Variants in WDPCP observed in about 807,000 individuals in gnomAD.
The protein encoded by WDPCP is WD repeat-containing and planar cell polarity effector protein fritz homolog.
A neutral mutation model predicts 93.1 loss-of-function variants in WDPCP; 71 were observed. That is an observed-to-expected ratio of 0.76 (90% CI 0.63 to 0.93). WDPCP has a LOEUF of 0.93. Ranked by LOEUF, WDPCP falls within the 40% of genes least tolerant of loss-of-function variation. The pLI is 0.00. For missense variants in WDPCP, 844 were observed against 887.4 expected (o/e 0.95, Z 0.62); for synonymous variants, 315 against 315.0 (o/e 1.00, Z 0.00).
intron 2 of WDPCP, among the ~76,000 whole-genome samples, chr2:63,804,130 C>T (rs912239636): frequency 3.3e-5 from 5 of 151,944 alleles, no homozygotes; most frequent in Admixed American, 2.0e-4. Context: ...TTATTCCCTT[C>T]GTATCTAGAG....
the WDPCP span, among the ~76,000 whole-genome samples, chr2:63,839,247 T>G: frequency 6.6e-6 from 1 of 152,242 alleles, no homozygotes; most frequent in Non-Finnish European, 1.5e-5. Flanking sequence ...GATCATCGTT[T>G]CTTATAATAA....
intron 9 of WDPCP, among the ~76,000 whole-genome samples, chr2:63,410,635 C>G (rs773613222): frequency 1.3e-5 from 2 of 152,112 alleles, no homozygotes; most frequent in Non-Finnish European, 2.9e-5. Context: ...CTACCTGATG[C>G]CTTCAGGAGA....
chr2:63,378,335 C>T (rs770097633), intron 12 of WDPCP, 51 bp downstream of exon 12: 5 of 1,610,342 alleles, frequency 3.1e-6, no homozygotes, highest in Non-Finnish European at 4.2e-6. Context: ...GAGGATGTCT[C>T]CTGAAATAAG....
intron 2 of WDPCP, among the ~76,000 whole-genome samples, chr2:63,651,080 T>TTGGAGA (rs1710103912): frequency 6.6e-6 from 1 of 152,188 alleles, no homozygotes; most frequent in East Asian, 1.9e-4. Context: ...GACAACACCC[T>TTGGAGA]TGGAGATGAT....
At chr2:63,238,014 C>A (rs1829527) in intron 14 of WDPCP, among the ~76,000 whole-genome samples, 132,201 of 150,326 alleles carry the variant, frequency 0.88, 58,240 homozygotes, top group South Asian at 0.92. Flanking sequence ...AAAAAAAAAA[C>A]AACAAAATGC....
At chr2:63,153,462 CT>C in intron 16 of WDPCP, 32 bp downstream of exon 16, 1 of 1,536,178 alleles carries the variant, frequency 6.5e-7, no homozygotes. Flanking sequence ...TTCTGTTATA[CT>C]TTGAATACTT....
intron 2 of WDPCP, among the ~76,000 whole-genome samples, chr2:63,746,427 G>A (rs1034606565): frequency 1.3e-5 from 2 of 152,168 alleles, no homozygotes; most frequent in African/African-American, 4.8e-5. Context: ...GGATAACAGC[G>A]ATTTTCAGGG....
intron 1 of WDPCP, among the ~76,000 whole-genome samples, chr2:63,501,721 A>G (rs1425330819): frequency 3.5e-5 from 5 of 143,656 alleles, no homozygotes; most frequent in African/African-American, 1.2e-4. Flanking sequence ...GATTCAGGCA[A>G]TTCTCCTGCC....
intron 12 of WDPCP, among the ~76,000 whole-genome samples, chr2:63,314,184 C>CT (rs56991037): frequency 5.4e-5 from 8 of 148,884 alleles, no homozygotes; most frequent in Non-Finnish European, 1.0e-4. Context: ...GCCCCATCTT[C>CT]TTTTTTTTTT....
At chr2:63,702,523 T>G (rs1454571225) in intron 2 of WDPCP, among the ~76,000 whole-genome samples, 1 of 143,002 alleles carries the variant, frequency 7.0e-6, no homozygotes, top group Non-Finnish European at 1.5e-5. Flanking sequence ...CATCAAAAAT[T>G]AATAGCTACC....
chr2:63,138,853 TC>T (rs1381246401), intron 17 of WDPCP, among the ~76,000 whole-genome samples: 1 of 151,850 alleles, frequency 6.6e-6, no homozygotes, highest in East Asian at 1.9e-4. Flanking sequence ...CTCACCCCCT[TC>T]CCACTCTTCC....
intron 1 of WDPCP, among the ~76,000 whole-genome samples, chr2:63,553,566 A>G (rs757195430): frequency 6.6e-6 from 1 of 152,034 alleles, no homozygotes; most frequent in Non-Finnish European, 1.5e-5. Context: ...CATATTCAAG[A>G]CATAATTTTC....
intron 14 of WDPCP, among the ~76,000 whole-genome samples, chr2:63,243,644 A>G (rs1027418053): frequency 1.3e-5 from 2 of 152,204 alleles, no homozygotes; most frequent in African/African-American, 4.8e-5. Context: ...TGTTCAATTT[A>G]TCAAGAAGAC....
chr2:63,512,822 C>T (rs547360845), intron 1 of WDPCP, among the ~76,000 whole-genome samples: 9 of 151,936 alleles, frequency 5.9e-5, no homozygotes, highest in African/African-American at 2.2e-4. Context: ...AGCAAACCAC[C>T]ATGGCACATG....
chr2:63,550,076 G>A (rs984040094), intron 1 of WDPCP, among the ~76,000 whole-genome samples: 3 of 7,902 alleles, frequency 3.8e-4, no homozygotes, highest in African/African-American at 1.1e-3. Flanking sequence ...CTCTCTCCTT[G>A]TCTTCTATAA....
In WDPCP at chr2:63,342,224, T is replaced by TC. The variant is rs752050254; in HGVS notation, c.1749-28914dup. On this transcript the variant is annotated intron_variant, in intron 12 of 17. Coordinates refer to ENST00000272321, the MANE Select transcript of WDPCP (RefSeq NM_015910.7). ...AATGCTCAATCTCCCACCACTCACT[T>TC]CCTGCTGTGTGGCCTGGTTCCTAAC... Among the ~76,000 whole-genome samples the TC allele has an allele frequency of 4.6e-5, 7 of 152,172 alleles. No individual in the cohort carries two copies. The East Asian group carries it at 7.7e-4, about 17-fold the overall frequency.
intron 12 of WDPCP, among the ~76,000 whole-genome samples, chr2:63,367,618 G>C (rs1256758846): frequency 6.6e-6 from 1 of 152,098 alleles, no homozygotes; most frequent in African/African-American, 2.4e-5. Context: ...CTTAATAAAT[G>C]TGTGATATAG....
chr2:63,825,352 G>A (rs764536229), intron 1 of WDPCP, among the ~76,000 whole-genome samples: 7 of 152,228 alleles, frequency 4.6e-5, no homozygotes, highest in South Asian at 2.1e-4. Flanking sequence ...ATCTTGCTGA[G>A]TGGAAATAAT....
At chr2:63,346,381 G>A (rs1245525303) in intron 12 of WDPCP, among the ~76,000 whole-genome samples, 1 of 152,182 alleles carries the variant, frequency 6.6e-6, no homozygotes, top group Non-Finnish European at 1.5e-5. Context: ...ATGTGGAAAA[G>A]TAGACCTATT....
Sources: gnomAD v4.1 joint callset for allele counts (sites outside exome capture counted in the v4.1 genomes callset) on GRCh38, gnomAD v4.1.1 for gene constraint, MANE v1.5 for transcripts, NCBI Gene and HGNC (gene_info 2026-07-23, HGNC 2026-07-21) for gene names.